Variants in TMEM135 observed in about 807,000 individuals in gnomAD.
The protein encoded by TMEM135 is transmembrane protein 135.
TMEM135 carries 30 observed loss-of-function variants against 60.3 expected under a neutral mutation model. The ratio of observed to expected loss-of-function variants is 0.50; its 90% CI spans 0.37 to 0.68. The LOEUF (loss-of-function observed/expected upper bound fraction) is 0.68, where lower values mean the gene tolerates loss of function less well. Ranked by LOEUF, TMEM135 falls within the 30% of genes least tolerant of loss-of-function variation. TMEM135 has a pLI of 0.00. For synonymous variants in TMEM135, 190 were observed against 186.7 expected, an observed-to-expected ratio of 1.02 and a Z score of -0.14; for missense variants, 468 against 548.8, an observed-to-expected ratio of 0.85 and a Z score of 1.47.
At chr11:87,242,294 T>C (rs1447984112) in intron 6 of TMEM135, among the ~76,000 whole-genome samples, 8 of 151,964 alleles carry the variant, frequency 5.3e-5, no homozygotes, top group Admixed American at 6.6e-5. Flanking sequence ...CTATTGTGAA[T>C]AGTGCCGCAA....
chr11:87,126,035 A>G (rs905759486), intron 4 of TMEM135, among the ~76,000 whole-genome samples: 3 of 152,152 alleles, frequency 2.0e-5, no homozygotes, highest in East Asian at 3.9e-4. Context: ...TTCAACAGTG[A>G]TATCAAGGAA....
At chr11:87,265,215 G>T (rs1941724970) in intron 6 of TMEM135, among the ~76,000 whole-genome samples, 2 of 151,936 alleles carry the variant, frequency 1.3e-5, no homozygotes, top group Admixed American at 1.3e-4. Context: ...TAGAAGCCAA[G>T]ATTTTTAGTC....
intron 4 of TMEM135, among the ~76,000 whole-genome samples, chr11:87,105,560 C>T (rs903709820): frequency 6.6e-6 from 1 of 152,112 alleles, no homozygotes; most frequent in Non-Finnish European, 1.5e-5. Flanking sequence ...CCATCCTCGC[C>T]TCCCAGGGTT....
intron 6 of TMEM135, among the ~76,000 whole-genome samples, chr11:87,279,044 ATAG>A (rs1942015879): frequency 6.7e-6 from 1 of 149,706 alleles, no homozygotes; most frequent in Admixed American, 6.7e-5. Flanking sequence ...GTTCTTCTTT[ATAG>A]CTGAGCAGTA....
chr11:87,273,467 T>C (rs1450292392), intron 6 of TMEM135, among the ~76,000 whole-genome samples: 1 of 152,174 alleles, frequency 6.6e-6, no homozygotes, highest in Non-Finnish European at 1.5e-5. Flanking sequence ...TTCTTGGTTC[T>C]ACCAATCTTT....
intron 5 of TMEM135, among the ~76,000 whole-genome samples, chr11:87,159,617 A>ACACACACACACACACACCCCCCCCC (rs140303858): frequency 1.1e-4 from 17 of 149,438 alleles, no homozygotes; most frequent in African/African-American, 4.0e-4. Flanking sequence ...ACACACACAC[A>ACACACACACACACACACCCCCCCCC]CCATAGATTT....
chr11:87,222,803 C>CAAAA (rs1387946312), intron 5 of TMEM135, among the ~76,000 whole-genome samples: 2 of 143,182 alleles, frequency 1.4e-5, no homozygotes, highest in African/African-American at 5.2e-5. Flanking sequence ...GAAACTGTCT[C>CAAAA]AAAAAAAAAG....
At chr11:87,096,109 C>CATATATATATGAAGAAAT (rs142603759) in intron 4 of TMEM135, 1 of 271,880 alleles carries the variant, frequency 3.7e-6, no homozygotes, top group East Asian at 1.0e-4. Flanking sequence ...TCTCCTTCAC[C>CATATATATATGAAGAAAT]AATATAAAGA....
intron 6 of TMEM135, among the ~76,000 whole-genome samples, chr11:87,252,788 T>TAA (rs147892243): frequency 0.29 from 33,684 of 114,670 alleles, 5,566 homozygotes; most frequent in African/African-American, 0.47. Flanking sequence ...AAAAAAAAAT[T>TAA]AAAATATATA....
At chr11:87,143,429 C>G (rs1938321009) in intron 4 of TMEM135, among the ~76,000 whole-genome samples, 1 of 146,952 alleles carries the variant, frequency 6.8e-6, no homozygotes, top group African/African-American at 2.5e-5. Context: ...GTTTGTGTGT[C>G]TAGTTGTTTT....
rs183307877 is a variant in TMEM135 at position 87,285,418 on chromosome 11, T to C, written c.510-10364T>C. Among the ~76,000 whole-genome samples, 121 of 152,330 alleles carry C rather than the reference T, an allele frequency of 7.9e-4. 1 individual carries two copies. The highest frequency in any genetic ancestry group is 9.6e-4 in the East Asian group (5 of 5,182). Reference sequence around the variant, plus strand: ...TGGTGTGTCTGGAGTTTATTCCTTCTGATGTTCGGATGTGTTCAGAGTTTC... The same window carrying C: ...TGGTGTGTCTGGAGTTTATTCCTTCCGATGTTCGGATGTGTTCAGAGTTTC... On this transcript the variant is annotated intron_variant, in intron 6 of 14. Transcript: ENST00000305494.
intron 6 of TMEM135, chr11:87,259,051 T>C: frequency 1.4e-6 from 2 of 1,403,034 alleles, no homozygotes; most frequent in Non-Finnish European, 2.0e-6. Context: ...CCTGTACATT[T>C]TGTGAGCCAC....
At chr11:87,110,813 G>C (rs577535124) in intron 4 of TMEM135, among the ~76,000 whole-genome samples, 42 of 151,950 alleles carry the variant, frequency 2.8e-4, no homozygotes, top group Non-Finnish European at 1.3e-4. Context: ...ATAATTCAGG[G>C]TCAATAAAAA....
chr11:87,201,273 G>A (rs1405837912), intron 5 of TMEM135, among the ~76,000 whole-genome samples: 1 of 152,100 alleles, frequency 6.6e-6, no homozygotes. Flanking sequence ...CTTATGTATT[G>A]TAATTTTAAG....
chr11:87,260,770 A>G (rs1023875515), intron 6 of TMEM135, among the ~76,000 whole-genome samples: 1 of 151,832 alleles, frequency 6.6e-6, no homozygotes, highest in African/African-American at 2.4e-5. Flanking sequence ...CTCTTTATTG[A>G]TTCCTAATGT....
At chr11:87,262,283 A>T (rs1228331081) in intron 6 of TMEM135, among the ~76,000 whole-genome samples, 1 of 152,230 alleles carries the variant, frequency 6.6e-6, no homozygotes, top group South Asian at 2.1e-4. Context: ...TCGCTGGTTC[A>T]AATGTACTAG....
intron 6 of TMEM135, among the ~76,000 whole-genome samples, chr11:87,287,369 A>G (rs977803478): frequency 1.3e-5 from 2 of 152,152 alleles, no homozygotes; most frequent in Admixed American, 1.3e-4. Context: ...AAGTGCCCCA[A>G]TTGATACTTA....
intron 7 of TMEM135, among the ~76,000 whole-genome samples, chr11:87,297,441 C>T (rs900770508): frequency 1.2e-4 from 18 of 152,244 alleles, no homozygotes; most frequent in South Asian, 4.2e-4. Flanking sequence ...AGTAAAAGAT[C>T]ATGAAATTTA....
At chr11:87,153,243 T>C (rs947266651) in intron 4 of TMEM135, among the ~76,000 whole-genome samples, 1 of 152,214 alleles carries the variant, frequency 6.6e-6, no homozygotes, top group Admixed American at 6.5e-5. Flanking sequence ...TCAGCCATCA[T>C]GCACTCTCAA....
Sources: gnomAD v4.1 joint callset for allele counts (sites outside exome capture counted in the v4.1 genomes callset) on GRCh38, gnomAD v4.1.1 for gene constraint, MANE v1.5 for transcripts, NCBI Gene and HGNC (gene_info 2026-07-23, HGNC 2026-07-21) for gene names.